E2F3: variants seen among roughly 807,000 people sequenced by gnomAD.
E2F3 encodes E2F transcription factor 3.
Under a neutral mutation model 44.4 loss-of-function variants are expected in E2F3, and 11 were observed. The ratio of observed to expected loss-of-function variants is 0.25; its 90% CI spans 0.16 to 0.41. The LOEUF is 0.41. Ranked by LOEUF, E2F3 falls within the 10% of genes least tolerant of loss-of-function variation. E2F3 has a pLI of 1.00. For synonymous variants in E2F3, 249 were observed against 253.0 expected (o/e 0.98, Z 0.15); for missense variants, 487 against 583.6 (o/e 0.83, Z 1.70).
intron 1 of E2F3, chr6:20,403,608 G>C (rs1759384945): frequency 8.4e-6 from 4 of 474,076 alleles, no homozygotes; most frequent in South Asian, 3.0e-5. Flanking sequence ...GGAGAGGGGG[G>C]CACCCACTTC....
rs142770338 is a variant in E2F3 at position 20,415,913 on chromosome 6, C to T, written c.393+13288C>T. 4.1e-3 allele frequency among the ~76,000 whole-genome samples: 625 copies of T among 152,220 alleles called. 2 individuals are homozygous for T. The highest frequency in any genetic ancestry group is 0.014 in the African/African-American group (593 of 41,532). On this transcript the variant is annotated intron_variant, in intron 1 of 6. Transcript: ENST00000346618. ...AGGAAGTTTTGCATTTATCATTGAC[C>T]CAACTGGGTAATTTAAGAGCGACTT... is the stretch of plus-strand genomic sequence containing the variant.
At position 20,490,017 on chromosome 6, in the gene E2F3, A is replaced by G; in HGVS notation, c.1136-151A>G. 2 of 852,430 alleles carry G rather than the reference A, an allele frequency of 2.3e-6. No homozygotes were observed. Among genetic ancestry groups the G allele is most frequent in the Admixed American group, 3.1e-5 (1 of 32,488 alleles). 52.8% of individuals were successfully genotyped at this position (852,430 alleles called of 1,614,324 possible). On this transcript the variant is annotated intron_variant, in intron 6 of 6. Coordinates refer to ENST00000346618, the MANE Select transcript of E2F3 (RefSeq NM_001949.5). The surrounding 1 kb of genome is among the most constrained non-coding windows in gnomAD (Gnocchi z 4.3). ...AAGGAACTTTTTTGTACCTGTTAGC[A>G]TAAAAGGTGATCTGCATCATAAAGT...
intron 1 of E2F3, among the ~76,000 whole-genome samples, chr6:20,470,640 C>T (rs1761859493): frequency 6.6e-6 from 1 of 152,154 alleles, no homozygotes; most frequent in Non-Finnish European, 1.5e-5. Context: ...AAATACCTGT[C>T]TCGTCTTTGG....
intron 1 of E2F3, among the ~76,000 whole-genome samples, chr6:20,410,678 G>A (rs1353310476): frequency 6.6e-6 from 1 of 152,136 alleles, no homozygotes; most frequent in African/African-American, 2.4e-5. Flanking sequence ...AAATGCAATG[G>A]TGCAATCTTG....
chr6:20,444,818 C>T (rs1348979954), intron 1 of E2F3, among the ~76,000 whole-genome samples: 2 of 152,228 alleles, frequency 1.3e-5, no homozygotes, highest in Admixed American at 6.5e-5. Context: ...TGTATGTCAA[C>T]CCAAAGGTCT....
At chr6:20,445,265 A>G (rs1431025528) in intron 1 of E2F3, among the ~76,000 whole-genome samples, 2 of 150,136 alleles carry the variant, frequency 1.3e-5, no homozygotes, top group Non-Finnish European at 3.0e-5. Context: ...TTTTTGAGAC[A>G]GTCTCACTCT....
intron 1 of E2F3, among the ~76,000 whole-genome samples, chr6:20,452,661 A>G (rs967884224): frequency 9.2e-5 from 14 of 152,176 alleles, no homozygotes; most frequent in African/African-American, 2.9e-4. Context: ...TTTAAAGGCC[A>G]TTTGTTGGCC....
chr6:20,424,383 ATGTGTG>A (rs57510288), intron 1 of E2F3, among the ~76,000 whole-genome samples: 38,273 of 146,848 alleles, frequency 0.26, 6,122 homozygotes, highest in East Asian at 0.46. Flanking sequence ...GAGTGTGTGT[ATGTGTG>A]TGTGTGTGTG....
In E2F3 at chr6:20,491,550, T is replaced by C. The variant is rs1283285062; in HGVS notation, c.*1120T>C. The C allele has an allele frequency of 9.4e-6, 2 of 212,414 alleles. No individual in the cohort carries two copies. The highest frequency in any genetic ancestry group is 1.9e-5 in the Non-Finnish European group (2 of 104,508). The allele number at this position is 212,414 out of a possible 1,614,324, so 13.2% of individuals were successfully genotyped here. A position where few individuals can be genotyped will look rare whatever the true frequency, so the allele number is the denominator to read the frequency against. On this transcript the variant is annotated 3_prime_UTR_variant, in exon 7 of 7. Coordinates refer to ENST00000346618, the MANE Select transcript of E2F3 (RefSeq NM_001949.5). ...TAACAGCCCCAAGGAGCAGCAGGCA[T>C]GGGTCCCTCCATCCTTGGGCTTCCC...
intron 3 of E2F3, among the ~76,000 whole-genome samples, chr6:20,481,852 T>C (rs1561884699): frequency 6.6e-6 from 1 of 152,142 alleles, no homozygotes; most frequent in Non-Finnish European, 1.5e-5. Context: ...ACTGCATAGT[T>C]ACAGAATATC....
At chr6:20,417,785 G>T (rs1042050758) in intron 1 of E2F3, among the ~76,000 whole-genome samples, 2 of 151,980 alleles carry the variant, frequency 1.3e-5, no homozygotes, top group African/African-American at 4.8e-5. Context: ...AAGAAAACCT[G>T]TGTCTTGAAA....
At chr6:20,439,398 TTTTG>T (rs776735099) in intron 1 of E2F3, among the ~76,000 whole-genome samples, 10 of 152,096 alleles carry the variant, frequency 6.6e-5, no homozygotes, top group African/African-American at 2.2e-4. Flanking sequence ...TACTGAGACG[TTTTG>T]TTTGTTTCTT....
chr6:20,462,707 C>T (rs914310008), intron 1 of E2F3, among the ~76,000 whole-genome samples: 6 of 151,996 alleles, frequency 3.9e-5, no homozygotes, highest in African/African-American at 1.4e-4. Context: ...ATCCGCCCAC[C>T]TCGGCCTCCC....
chr6:20,490,411 A>T lies in E2F3; in HGVS notation c.1379A>T (p.Glu460Val), dbSNP rs1327494246. 6.3e-7 allele frequency: 1 copy of T among 1,593,164 alleles called. No individual in the cohort carries two copies. Among genetic ancestry groups the T allele is most frequent in the Non-Finnish European group, 8.6e-7 (1 of 1,169,530 alleles). The change falls in exon 7 of 7, where the codon GAA becomes GTA. Residue 460 changes from glutamate to valine, a missense_variant. This residue lies in a region of E2F3 where 220 missense variants were observed against 261.7 expected (regional missense o/e 0.84). Coordinates refer to ENST00000346618, the MANE Select transcript of E2F3 (RefSeq NM_001949.5). The surrounding 1 kb of genome is among the most constrained non-coding windows in gnomAD (Gnocchi z 4.3). ...AYDLEKLPLV[E>V]DFMCS ...GATTTGGAAAAGCTCCCACTGGTGG[A>T]AGACTTCATGTGTAGTTGATTATGC...
chr6:20,492,327 CT>C lies in E2F3; in HGVS notation c.*1904del, dbSNP rs562213888. 5.7e-4 allele frequency: 133 copies of C among 233,038 alleles called. No individual in the cohort carries two copies. Among genetic ancestry groups the C allele is most frequent in the African/African-American group, 2.7e-3 (124 of 45,372 alleles). 14.4% of individuals were successfully genotyped at this position (233,038 alleles called of 1,614,324 possible). ...AAAAACAAAGGTGCAGACTATCTTC[CT>C]TTTTTTCTTCTTCAGCCTCCATCCC... is the stretch of plus-strand genomic sequence containing the variant. On this transcript the variant is annotated 3_prime_UTR_variant, in exon 7 of 7. Transcript: ENST00000346618.
In E2F3 at chr6:20,466,721, C is replaced by T. The variant is rs545370786; in HGVS notation, c.394-13125C>T. ...TTTTTGAGACGGAGTCTGGCTCTGT[C>T]GCCCAGGCTCGAGTGCAGTGGCGCA... On this transcript the variant is annotated intron_variant, in intron 1 of 6. Transcript: ENST00000346618. 4.7e-5 allele frequency among the ~76,000 whole-genome samples: 7 copies of T among 148,710 alleles called. No homozygotes were observed. The South Asian group carries it at 1.5e-3, about 32-fold the overall frequency.
At chr6:20,478,349 G>A (rs574489818) in intron 1 of E2F3, among the ~76,000 whole-genome samples, 1 of 152,338 alleles carries the variant, frequency 6.6e-6, no homozygotes, top group African/African-American at 2.4e-5. Flanking sequence ...AATTCAGTGT[G>A]TATTTTACAA....
chr6:20,434,364 C>G (rs902028271), intron 1 of E2F3, among the ~76,000 whole-genome samples: 2 of 152,146 alleles, frequency 1.3e-5, no homozygotes, highest in African/African-American at 2.4e-5. Context: ...AGTTTGCTAT[C>G]TGTATAACTA....
At chr6:20,446,669 G>A (rs539897136) in intron 1 of E2F3, among the ~76,000 whole-genome samples, 4 of 152,264 alleles carry the variant, frequency 2.6e-5, no homozygotes, top group Admixed American at 2.0e-4. Context: ...AGGTTCAAGC[G>A]ATTCTCCTGC....
Sources: gnomAD v4.1 joint callset for allele counts (sites outside exome capture counted in the v4.1 genomes callset) on GRCh38, gnomAD v4.1.1 for gene constraint, gnomAD v4.1.1 regional missense constraint, Gnocchi (gnomAD v3.1) non-coding constraint, MANE v1.5 for transcripts, NCBI Gene and HGNC (gene_info 2026-07-23, HGNC 2026-07-21) for gene names.